The following EDNRA variants were observed in gnomAD, a reference collection of about 807,000 sequenced individuals.
EDNRA encodes endothelin-1 receptor.
In EDNRA, 11 loss-of-function variants were observed where a neutral mutation model predicts 41.4. That is an observed-to-expected ratio of 0.27 (90% confidence interval 0.17 to 0.44). The LOEUF (loss-of-function observed/expected upper bound fraction) is 0.44. EDNRA is among the 20% of genes least tolerant of loss of function. EDNRA has a pLI of 1.00. For synonymous variants in EDNRA, 172 were observed against 183.0 expected (o/e 0.94, Z 0.49); for missense variants, 294 against 531.0 (o/e 0.55, Z 4.39).
chr4:147,525,563 G>C (rs1430227313), intron 3 of EDNRA, among the ~76,000 whole-genome samples: 2 of 144,114 alleles, frequency 1.4e-5, no homozygotes, highest in Non-Finnish European at 3.0e-5. Context: ...AAAGTGACAA[G>C]TTTTATATAT....
intron 2 of EDNRA, among the ~76,000 whole-genome samples, chr4:147,499,797 C>CTTTTTTTTTT (rs58464606): frequency 1.2e-5 from 1 of 85,350 alleles, no homozygotes; most frequent in Admixed American, 1.6e-4. Context: ...CTCTAAAAGT[C>CTTTTTTTTTT]TTTTTTTTTT....
intron 3 of EDNRA, among the ~76,000 whole-genome samples, chr4:147,521,621 T>C (rs1730323252): frequency 6.6e-6 from 1 of 152,218 alleles, no homozygotes; most frequent in Admixed American, 6.5e-5. Context: ...AATGTTATAT[T>C]ATCTAAAAAT....
chr4:147,491,821 T>C (rs1442437664), intron 2 of EDNRA: 1 of 152,188 alleles, frequency 6.6e-6, no homozygotes, highest in Non-Finnish European at 1.5e-5. Context: ...TTCTCTAAAT[T>C]TTAAGAGAGA....
At chr4:147,502,803 G>A (rs1729560173) in intron 2 of EDNRA, among the ~76,000 whole-genome samples, 1 of 151,970 alleles carries the variant, frequency 6.6e-6, no homozygotes, top group Non-Finnish European at 1.5e-5. Flanking sequence ...TAGCTTTTTT[G>A]GAAATAATCT....
intron 2 of EDNRA, among the ~76,000 whole-genome samples, chr4:147,507,653 A>G (rs1729767492): frequency 6.6e-6 from 1 of 152,236 alleles, no homozygotes; most frequent in African/African-American, 2.4e-5. Context: ...CATGTTACTC[A>G]ATTGCATAGA....
chr4:147,513,453 G>A (rs1729993390), intron 2 of EDNRA, among the ~76,000 whole-genome samples: 1 of 152,216 alleles, frequency 6.6e-6, no homozygotes, highest in Non-Finnish European at 1.5e-5. Flanking sequence ...GTCACACACA[G>A]TGACTTATTT....
In EDNRA at chr4:147,505,320, T is replaced by C. The variant is rs569580340; in HGVS notation, c.421-14531T>C. Among the ~76,000 whole-genome samples the C allele has an allele frequency of 2.1e-5, 3 of 140,326 alleles. No individual in the cohort carries two copies. In the East Asian group the frequency reaches 6.0e-4, roughly 28 times the overall value. 92.1% of individuals were successfully genotyped at this position (140,326 alleles called of 152,430 possible). On this transcript the variant is annotated intron_variant, in intron 2 of 7. Coordinates refer to ENST00000651419, the MANE Select transcript of EDNRA (RefSeq NM_001957.4). ...CTCTGTAAGAGAGTTTGGCAGTTTC[T>C]TTTTTCATTTTTTTTTTTTTTTTTT... is the stretch of plus-strand genomic sequence containing the variant.
At position 147,485,339 on chromosome 4, in the gene EDNRA, C is replaced by T. The variant is rs140651344; in HGVS notation, c.-70-273C>T. 2.5e-3 allele frequency among the ~76,000 whole-genome samples: 377 copies of T among 151,916 alleles called. 1 individual carries two copies. The highest frequency in any genetic ancestry group is 6.6e-3 in the African/African-American group (275 of 41,386). ...AGACAGAGATAGATAGCTATAGAGACGGAAATGGAGACAGAGACAGAGACG... is the reference window on the plus strand; with the variant it reads ...AGACAGAGATAGATAGCTATAGAGATGGAAATGGAGACAGAGACAGAGACG... On this transcript the variant is annotated intron_variant, in intron 1 of 7. Transcript: ENST00000651419.
intron 3 of EDNRA, among the ~76,000 whole-genome samples, chr4:147,532,260 A>C (rs1269098750): frequency 1.4e-5 from 2 of 139,596 alleles, no homozygotes; most frequent in Admixed American, 7.6e-5. Context: ...TGGGAGGCGG[A>C]GCTTGCAGTG....
At chr4:147,505,022 T>TTA (rs1553976220) in intron 2 of EDNRA, among the ~76,000 whole-genome samples, 1 of 140,406 alleles carries the variant, frequency 7.1e-6, no homozygotes, top group Non-Finnish European at 1.5e-5. Flanking sequence ...AACTCAATGG[T>TTA]AAAAAAAATG....
intron 5 of EDNRA, among the ~76,000 whole-genome samples, chr4:147,538,033 G>A (rs751544742): frequency 1.5e-4 from 23 of 152,134 alleles, no homozygotes; most frequent in Admixed American, 3.3e-4. Context: ...TCAAGTAGGG[G>A]TTGTGTTCGG....
chr4:147,526,209 G>T (rs1175106352), intron 3 of EDNRA, among the ~76,000 whole-genome samples: 1 of 152,190 alleles, frequency 6.6e-6, no homozygotes, highest in African/African-American at 2.4e-5. Context: ...CAGGCAACTG[G>T]TTAATTTTGC....
chr4:147,500,308 G>A (rs1349316313), intron 2 of EDNRA, among the ~76,000 whole-genome samples: 1 of 152,210 alleles, frequency 6.6e-6, no homozygotes, highest in Non-Finnish European at 1.5e-5. Context: ...AAAGGGGAAA[G>A]TGGGGGATAA....
chr4:147,523,488 GTTT>G lies in EDNRA; in HGVS notation c.548+3516_548+3518del, dbSNP rs759191166. 4.8e-4 allele frequency among the ~76,000 whole-genome samples: 57 copies of G among 118,078 alleles called. 2 individuals carry two copies. Among genetic ancestry groups the G allele is most frequent in the African/African-American group, 2.5e-3 (56 of 22,210 alleles). The allele number at this position is 118,078 out of a possible 152,430, so 77.5% of individuals were successfully genotyped here. A position where few individuals can be genotyped will look rare whatever the true frequency, so the allele number is the denominator to read the frequency against. On this transcript the variant is annotated intron_variant, in intron 3 of 7. Coordinates refer to ENST00000651419, the MANE Select transcript of EDNRA (RefSeq NM_001957.4). Reference sequence around the variant, plus strand: ...TTTTTTTTGTTGTTGTTGTTTTTTTGTTTTTTTTGTTTTTTTTTTTGAGATGGA... The same window carrying G: ...TTTTTTTTGTTGTTGTTGTTTTTTTGTTTTTGTTTTTTTTTTTGAGATGGA...
At chr4:147,509,248 TG>T (rs746319237) in intron 2 of EDNRA, among the ~76,000 whole-genome samples, 2 of 152,182 alleles carry the variant, frequency 1.3e-5, no homozygotes, top group Non-Finnish European at 1.5e-5. Context: ...CCTGCGAATG[TG>T]TGATGGTGAA....
chr4:147,507,051 G>T (rs966934164), intron 2 of EDNRA, among the ~76,000 whole-genome samples: 9 of 152,154 alleles, frequency 5.9e-5, no homozygotes, highest in Non-Finnish European at 7.3e-5. Context: ...CTTTTAGCAT[G>T]TAAAATTAGG....
chr4:147,522,730 C>G (rs1730367790), intron 3 of EDNRA, among the ~76,000 whole-genome samples: 1 of 152,058 alleles, frequency 6.6e-6, no homozygotes. Flanking sequence ...AAACTCAAAC[C>G]ATTGTTGATG....
At chr4:147,540,622 T>G in intron 7 of EDNRA, 137 bp downstream of exon 7, 1 of 615,730 alleles carries the variant, frequency 1.6e-6, no homozygotes, top group Non-Finnish European at 2.7e-6. Flanking sequence ...AAATCATGTT[T>G]TATTACCCAG....
At chr4:147,485,438 T>C (rs1307513035) in intron 1 of EDNRA, among the ~76,000 whole-genome samples, 174 bp from the exon 2 acceptor site, 2 of 149,666 alleles carry the variant, frequency 1.3e-5, no homozygotes, top group South Asian at 2.2e-4. Flanking sequence ...CTTGCCCTAA[T>C]AGAGCTTCAG....
Sources: allele counts gnomAD v4.1 joint callset (sites outside exome capture counted in the v4.1 genomes callset), GRCh38; gene constraint gnomAD v4.1.1; transcripts MANE v1.5; gene names NCBI Gene and HGNC (gene_info 2026-07-23, HGNC 2026-07-21).